The following EPS15 variants were observed in gnomAD, a reference collection of about 807,000 sequenced individuals.
EPS15 encodes the protein epidermal growth factor receptor substrate 15.
A neutral mutation model predicts 113.8 loss-of-function variants in EPS15; 72 were observed. That is an observed-to-expected ratio of 0.63 (90% CI 0.52 to 0.77). The LOEUF (loss-of-function observed/expected upper bound fraction) is 0.77, where lower values mean the gene tolerates loss of function less well. Ranked by LOEUF, EPS15 falls within the 30% of genes least tolerant of loss-of-function variation. The pLI, the probability that EPS15 is intolerant of heterozygous loss-of-function variation, is 0.00. For synonymous variants in EPS15, 344 were observed against 363.4 expected, an observed-to-expected ratio of 0.95 and a Z score of 0.61; for missense variants, 1,048 against 1,045.8, an observed-to-expected ratio of 1.00 and a Z score of -0.03.
chr1:51,452,539 C>T (rs918348357), intron 8 of EPS15, among the ~76,000 whole-genome samples: 1 of 152,058 alleles, frequency 6.6e-6, no homozygotes, highest in African/African-American at 2.4e-5. Flanking sequence ...CACACCCAAC[C>T]CCTCAATTTA....
Position 51,448,176 on chromosome 1 carries a change from C to T in EPS15, c.562-41G>A, listed in dbSNP as rs763960560. The T allele has an allele frequency of 2.9e-5, 34 of 1,183,288 alleles. No individual in the cohort carries two copies. The South Asian group carries it at 4.6e-4, about 16-fold the overall frequency. 73.3% of individuals were successfully genotyped at this position (1,183,288 alleles called of 1,614,324 possible). ...ACCAGGGTCATATATATTAAAAGCACTTAACATCCACCCACTGAATTGATT... is the reference window on the plus strand; with the variant it reads ...ACCAGGGTCATATATATTAAAAGCATTTAACATCCACCCACTGAATTGATT... On this transcript the variant is annotated intron_variant, in intron 8 of 24. Coordinates refer to ENST00000371733, the MANE Select transcript of EPS15 (RefSeq NM_001981.3).
intron 21 of EPS15, among the ~76,000 whole-genome samples, chr1:51,387,839 A>G (rs917820469): frequency 1.3e-5 from 2 of 152,220 alleles, no homozygotes; most frequent in African/African-American, 4.8e-5. Context: ...AGAGACCTAC[A>G]AAGAGACTTA....
At chr1:51,406,436 C>T (rs1263013949) in intron 15 of EPS15, among the ~76,000 whole-genome samples, 1 of 152,132 alleles carries the variant, frequency 6.6e-6, no homozygotes, top group Non-Finnish European at 1.5e-5. Context: ...GATCACACCA[C>T]TGCACTCGAG....
chr1:51,507,008 T>C (rs565291962), intron 1 of EPS15, among the ~76,000 whole-genome samples: 8 of 152,326 alleles, frequency 5.3e-5, no homozygotes, highest in Non-Finnish European at 8.8e-5. Flanking sequence ...AAATTAAATA[T>C]GCTCGGTTTA....
At chr1:51,473,544 ACTTTC>A (rs1199187044) in intron 2 of EPS15, among the ~76,000 whole-genome samples, 1 of 152,150 alleles carries the variant, frequency 6.6e-6, no homozygotes, top group Non-Finnish European at 1.5e-5. Context: ...CTGACCAGGG[ACTTTC>A]CTTTAAGACA....
intron 1 of EPS15, among the ~76,000 whole-genome samples, chr1:51,505,365 T>A (rs1644481128): frequency 6.6e-6 from 1 of 152,230 alleles, no homozygotes; most frequent in African/African-American, 2.4e-5. Flanking sequence ...AGGAATGAAT[T>A]ACTGATACTT....
chr1:51,468,356 A>G, intron 5 of EPS15, 117 bp downstream of exon 5: 1 of 759,072 alleles, frequency 1.3e-6, no homozygotes, highest in Middle Eastern at 3.3e-4. Flanking sequence ...AAAGCCAAGT[A>G]GCTGAGTGAA....
intron 18 of EPS15, 176 bp from the exon 19 acceptor site, chr1:51,401,129 T>TA (rs371718179): frequency 8.7e-6 from 4 of 461,406 alleles, no homozygotes; most frequent in African/African-American, 6.1e-5. Context: ...CAACTATACT[T>TA]ACCTTGATCA....
chr1:51,490,542 G>A (rs1441684954), intron 1 of EPS15, among the ~76,000 whole-genome samples: 2 of 141,090 alleles, frequency 1.4e-5, no homozygotes, highest in African/African-American at 5.4e-5. Context: ...TCCCGCCTGG[G>A]CAACAGTGCG....
At chr1:51,491,859 A>ATTTTTTTTTTTTTTTTTTTTT (rs1007233147) in intron 1 of EPS15, among the ~76,000 whole-genome samples, 1 of 129,822 alleles carries the variant, frequency 7.7e-6, no homozygotes, top group Non-Finnish European at 1.6e-5. Flanking sequence ...AACTCATTTA[A>ATTTTTTTTTTTTTTTTTTTTT]TTTTTTTTTT....
intron 19 of EPS15, among the ~76,000 whole-genome samples, chr1:51,400,712 CAAAA>C (rs375748381): frequency 5.0e-5 from 3 of 60,192 alleles, no homozygotes; most frequent in African/African-American, 6.5e-5. Context: ...CAAAAAACAC[CAAAA>C]AAAAAAAAAA....
chr1:51,437,924 T>C (rs536900350), intron 12 of EPS15, among the ~76,000 whole-genome samples: 12 of 152,130 alleles, frequency 7.9e-5, no homozygotes, highest in Non-Finnish European at 1.6e-4. Flanking sequence ...CACATCCTTA[T>C]ATATTAATAA....
At chr1:51,500,249 A>G (rs1412609550) in intron 1 of EPS15, among the ~76,000 whole-genome samples, 2 of 152,236 alleles carry the variant, frequency 1.3e-5, no homozygotes, top group Admixed American at 1.3e-4. Context: ...ATGCTGCTAT[A>G]AACACTGGTA....
intron 8 of EPS15, chr1:51,458,300 A>G (rs1346819778): frequency 6.6e-6 from 1 of 152,540 alleles, no homozygotes; most frequent in Non-Finnish European, 1.5e-5. Context: ...TTTTTAATAA[A>G]GCTTTTTATT....
At chr1:51,441,177 C>G (rs980627473) in intron 11 of EPS15, among the ~76,000 whole-genome samples, 2 of 151,990 alleles carry the variant, frequency 1.3e-5, no homozygotes, top group Non-Finnish European at 2.9e-5. Context: ...TCTGCCTTGC[C>G]CACTTTACAA....
chr1:51,447,520 T>A (rs552831092), intron 9 of EPS15, among the ~76,000 whole-genome samples: 3 of 152,246 alleles, frequency 2.0e-5, no homozygotes, highest in Admixed American at 6.5e-5. Context: ...CCTGTCATTA[T>A]CTTCCTTTAC....
chr1:51,469,145 A>G (rs539136340), intron 4 of EPS15, among the ~76,000 whole-genome samples: 5 of 151,136 alleles, frequency 3.3e-5, no homozygotes, highest in Non-Finnish European at 1.5e-5. Context: ...CAGACAAACC[A>G]AAAAAAAACA....
At chr1:51,474,571 G>C (rs1299126640) in intron 2 of EPS15, among the ~76,000 whole-genome samples, 1 of 152,028 alleles carries the variant, frequency 6.6e-6, no homozygotes, top group African/African-American at 2.4e-5. Context: ...GAATACTGTT[G>C]GTATTATTTT....
intron 13 of EPS15, among the ~76,000 whole-genome samples, chr1:51,415,232 T>C (rs1259355802): frequency 6.6e-6 from 1 of 152,102 alleles, no homozygotes; most frequent in East Asian, 1.9e-4. Flanking sequence ...GGAAGACAAA[T>C]AAACAAACCA....
Sources: allele counts gnomAD v4.1 joint callset (sites outside exome capture counted in the v4.1 genomes callset), GRCh38; gene constraint gnomAD v4.1.1; transcripts MANE v1.5; gene names NCBI Gene and HGNC (gene_info 2026-07-23, HGNC 2026-07-21).